ASIC2: variants seen among roughly 807,000 people sequenced by gnomAD.
The protein encoded by ASIC2 is acid sensing ion channel subunit 2, also known as acid-sensing ion channel 2.
A neutral mutation model predicts 57.3 loss-of-function variants in ASIC2; 25 were observed. The ratio of observed to expected loss-of-function variants is 0.44; its 90% CI spans 0.32 to 0.61. The LOEUF is 0.61. Among genes scored for constraint, ASIC2 ranks in the 20% least tolerant of loss-of-function variants. The probability of loss-of-function intolerance (pLI) is 0.06; values close to 1 mark genes in which losing one functional copy is unlikely to be tolerated. For synonymous variants in ASIC2, 319 were observed against 307.5 expected (o/e 1.04, Z -0.39); for missense variants, 641 against 738.1 (o/e 0.87, Z 1.52).
At chr17:33,050,560 T>C (rs2091971228) in intron 3 of ASIC2, among the ~76,000 whole-genome samples, 1 of 152,188 alleles carries the variant, frequency 6.6e-6, no homozygotes, top group East Asian at 1.9e-4. Flanking sequence ...TCGTAAGCAA[T>C]ATTGACTTTA....
intron 1 of ASIC2, among the ~76,000 whole-genome samples, chr17:33,267,166 C>A (rs1228731538): frequency 1.3e-5 from 2 of 152,118 alleles, no homozygotes; most frequent in Non-Finnish European, 2.9e-5. Context: ...ATTAAACAAC[C>A]ACTGACTGCA....
chr17:33,331,965 C>G (rs1262332198), intron 1 of ASIC2, among the ~76,000 whole-genome samples: 1 of 152,238 alleles, frequency 6.6e-6, no homozygotes, highest in Non-Finnish European at 1.5e-5. Context: ...ATACCCTTCC[C>G]TGGACCAACT....
rs752824190 is a variant in ASIC2, at chr17:33,839,379, A to G, written c.555+316599T>C. 5.9e-5 allele frequency among the ~76,000 whole-genome samples: 9 copies of G among 152,238 alleles called. No homozygotes were observed. The South Asian group carries it at 8.3e-4, about 14-fold the overall frequency. ...TCACATTTCTAACACCCAGAGTCCCACAGTTCCTAGCATTCTCCAAGACAT... is the reference window on the plus strand; with the variant it reads ...TCACATTTCTAACACCCAGAGTCCCGCAGTTCCTAGCATTCTCCAAGACAT... On this transcript the variant is annotated intron_variant, in intron 1 of 9. Transcript: ENST00000359872.
intron 1 of ASIC2, among the ~76,000 whole-genome samples, chr17:33,710,098 G>A (rs1409729778): frequency 6.6e-6 from 1 of 152,166 alleles, no homozygotes; most frequent in Non-Finnish European, 1.5e-5. Context: ...TTCTCCTCAT[G>A]GGTCTGCATG....
At chr17:33,491,378 G>C (rs1200638857) in intron 1 of ASIC2, among the ~76,000 whole-genome samples, 1 of 152,136 alleles carries the variant, frequency 6.6e-6, no homozygotes, top group African/African-American at 2.4e-5. Context: ...TGACCTTGCT[G>C]TTGTCCCTGT....
intron 1 of ASIC2, among the ~76,000 whole-genome samples, chr17:33,449,178 C>A (rs1192077682): frequency 6.6e-6 from 1 of 152,220 alleles, no homozygotes; most frequent in Non-Finnish European, 1.5e-5. Flanking sequence ...GAAACTATCA[C>A]TGTATCTATG....
chr17:33,898,367 C>T (rs1326793198), intron 1 of ASIC2, among the ~76,000 whole-genome samples: 2 of 151,356 alleles, frequency 1.3e-5, no homozygotes, highest in African/African-American at 4.9e-5. Flanking sequence ...TCCTGGGTAG[C>T]TGGGACTACA....
intron 1 of ASIC2, among the ~76,000 whole-genome samples, chr17:33,305,435 A>G (rs1756665283): frequency 6.6e-6 from 1 of 152,216 alleles, no homozygotes; most frequent in African/African-American, 2.4e-5. Context: ...TCACACTTTC[A>G]GCAGAATAGA....
At chr17:33,035,901 C>G (rs1050525077) in intron 3 of ASIC2, among the ~76,000 whole-genome samples, 7 of 152,134 alleles carry the variant, frequency 4.6e-5, no homozygotes, top group South Asian at 4.1e-4. Flanking sequence ...TTCTGGCAAC[C>G]CTGAATACTG....
At chr17:33,934,685 C>T (rs1343650052) in intron 1 of ASIC2, among the ~76,000 whole-genome samples, 4 of 152,200 alleles carry the variant, frequency 2.6e-5, no homozygotes, top group Non-Finnish European at 5.9e-5. Context: ...TCTAGTGAAA[C>T]CCATTTGTCA....
intron 1 of ASIC2, among the ~76,000 whole-genome samples, chr17:33,746,175 ATAAAT>A (rs1910252306): frequency 6.6e-6 from 1 of 151,832 alleles, no homozygotes; most frequent in East Asian, 1.9e-4. Context: ...CAAACAAATG[ATAAAT>A]TAAAGGTAAA....
intron 1 of ASIC2, among the ~76,000 whole-genome samples, chr17:34,110,166 A>G (rs974414748): frequency 6.6e-6 from 1 of 152,208 alleles, no homozygotes; most frequent in African/African-American, 2.4e-5. Flanking sequence ...AACAACCTTA[A>G]GGAGATGCTC....
chr17:33,777,811 A>T (rs976142058), intron 1 of ASIC2, among the ~76,000 whole-genome samples: 1 of 152,210 alleles, frequency 6.6e-6, no homozygotes, highest in African/African-American at 2.4e-5. Context: ...TTATCGTAAC[A>T]AGACAATGGG....
chr17:33,807,682 A>G (rs1912307601), intron 1 of ASIC2, among the ~76,000 whole-genome samples: 1 of 152,046 alleles, frequency 6.6e-6, no homozygotes, highest in Non-Finnish European at 1.5e-5. Context: ...CTTCACACAT[A>G]TCCAATCACT....
intron 1 of ASIC2, among the ~76,000 whole-genome samples, chr17:33,473,353 C>T (rs1228182440): frequency 1.3e-5 from 2 of 152,172 alleles, no homozygotes; most frequent in African/African-American, 4.8e-5. Context: ...TGTAATAATG[C>T]CAGTGACATT....
chr17:33,874,252 G>T (rs1333758420), intron 1 of ASIC2, among the ~76,000 whole-genome samples: 1 of 152,114 alleles, frequency 6.6e-6, no homozygotes, highest in Admixed American at 6.5e-5. Flanking sequence ...TCTTGGAGCT[G>T]ACCATACGAG....
intron 1 of ASIC2, among the ~76,000 whole-genome samples, chr17:33,941,549 C>T (rs1182729710): frequency 6.6e-6 from 1 of 152,182 alleles, no homozygotes; most frequent in African/African-American, 2.4e-5. Flanking sequence ...CTTAGAGATG[C>T]AGCTATATCC....
chr17:33,212,018 G>A (rs969413364), intron 1 of ASIC2, among the ~76,000 whole-genome samples: 18 of 152,088 alleles, frequency 1.2e-4, no homozygotes, highest in African/African-American at 3.4e-4. Flanking sequence ...TCTCAGGAAG[G>A]GCAGAACTTT....
chr17:33,889,216 G>A (rs1489859008), intron 1 of ASIC2, among the ~76,000 whole-genome samples: 2 of 152,160 alleles, frequency 1.3e-5, no homozygotes, highest in Non-Finnish European at 2.9e-5. Flanking sequence ...GCTCCTTGGA[G>A]AGCATCTGGT....
Sources: gnomAD v4.1 joint callset for allele counts (sites outside exome capture counted in the v4.1 genomes callset) on GRCh38, gnomAD v4.1.1 for gene constraint, MANE v1.5 for transcripts, NCBI Gene and HGNC (gene_info 2026-07-23, HGNC 2026-07-21) for gene names.